The following PNLDC1 variants were observed in gnomAD, a reference collection of about 807,000 sequenced individuals.
PNLDC1 encodes poly(A)-specific ribonuclease PNLDC1.
Under a neutral mutation model 82.0 loss-of-function variants are expected in PNLDC1, and 70 were observed. The ratio of observed to expected loss-of-function variants is 0.85; its 90% CI spans 0.70 to 1.04. The LOEUF (loss-of-function observed/expected upper bound fraction) is 1.04. Among genes scored for constraint, PNLDC1 ranks in the 50% least tolerant of loss-of-function variants. The probability of loss-of-function intolerance (pLI) is 0.00; values close to 1 mark genes in which losing one functional copy is unlikely to be tolerated. For missense variants in PNLDC1, 631 were observed against 661.1 expected, an observed-to-expected ratio of 0.95 and a Z score of 0.50; for synonymous variants, 280 against 249.3, an observed-to-expected ratio of 1.12 and a Z score of -1.16.
chr6:159,819,375 C>G lies in PNLDC1; in HGVS notation c.1532+23C>G, dbSNP rs1459934075. ...CCAGTAAGTGACAGGCTGAGGCCACCTGCCTGTCCTGGGGTCCTGGAGTGC... is the reference window on the plus strand; with the variant it reads ...CCAGTAAGTGACAGGCTGAGGCCACGTGCCTGTCCTGGGGTCCTGGAGTGC... On this transcript the variant is annotated intron_variant, in intron 18 of 18. Transcript: ENST00000392167. This position sits in a 1 kb window ranked among gnomAD's most constrained non-coding sequence, Gnocchi z 4.6. The G allele has an allele frequency of 6.2e-7, 1 of 1,606,472 alleles. No individual in the cohort carries two copies. Among genetic ancestry groups the G allele is most frequent in the South Asian group, 1.1e-5 (1 of 90,828 alleles).
intron 7 of PNLDC1, among the ~76,000 whole-genome samples, chr6:159,806,308 G>A (rs959100685): frequency 2.0e-5 from 3 of 152,220 alleles, no homozygotes; most frequent in African/African-American, 7.2e-5. Flanking sequence ...TCAAGGCTGA[G>A]AAGGTCAAGT....
chr6:159,811,898 T>C (rs1562502623), intron 11 of PNLDC1, 112 bp downstream of exon 11: 1 of 766,838 alleles, frequency 1.3e-6, no homozygotes. Flanking sequence ...TGTTTTGTTT[T>C]GTTTTGTTTT....
intron 6 of PNLDC1, 189 bp from the exon 7 acceptor site, chr6:159,805,794 A>C (rs1057247671): frequency 1.0e-5 from 6 of 584,230 alleles, no homozygotes; most frequent in Middle Eastern, 6.1e-4. Flanking sequence ...GTTGTGGGCT[A>C]TTCTTCCAAT....
upstream of PNLDC1, chr6:159,800,273 G>T (rs899530146): frequency 2.0e-5 from 30 of 1,533,874 alleles, no homozygotes; most frequent in Non-Finnish European, 2.6e-5. Flanking sequence ...GGCAGCACGT[G>T]ATAGCGCTGG....
chr6:159,817,009 T>G lies in PNLDC1; in HGVS notation c.1115-100T>G, dbSNP rs902889090. ...GCAGTATGCCCCTGCCGTCCCTAGA[T>G]TCTACATTTATTTCAGATTGGCTTG... On this transcript the variant is annotated intron_variant, in intron 14 of 18. Coordinates refer to ENST00000392167, the MANE Select transcript of PNLDC1 (RefSeq NM_001271862.2). The G allele has an allele frequency of 3.2e-6, 4 of 1,263,394 alleles. No individual in the cohort carries two copies. The African/African-American group carries it at 5.9e-5, about 19-fold the overall frequency. 78.3% of individuals were successfully genotyped at this position (1,263,394 alleles called of 1,614,324 possible). A position where few individuals can be genotyped will look rare whatever the true frequency, so the allele number is the denominator to read the frequency against.
chr6:159,808,529 T>TA (rs751817467), intron 7 of PNLDC1, among the ~76,000 whole-genome samples: 4,194 of 127,342 alleles, frequency 0.033, 207 homozygotes, highest in African/African-American at 0.11. Context: ...GGCCCTGAGA[T>TA]AAAAAAAAAA....
At chr6:159,805,734 A>G (rs769363777) in intron 6 of PNLDC1, 14 of 463,790 alleles carry the variant, frequency 3.0e-5, no homozygotes, top group Non-Finnish European at 4.8e-5. Context: ...TCCTCCATAC[A>G]TCCTAGTGAA....
chr6:159,804,255 C>T (rs1406773940), intron 5 of PNLDC1, among the ~76,000 whole-genome samples, 167 bp downstream of exon 5: 1 of 152,210 alleles, frequency 6.6e-6, no homozygotes, highest in Non-Finnish European at 1.5e-5. Context: ...CACCCGCCAC[C>T]ATGCCCAGCT....
At chr6:159,808,695 C>G in intron 7 of PNLDC1, 45 bp from the exon 8 acceptor site, 11 of 1,551,026 alleles carry the variant, frequency 7.1e-6, no homozygotes, top group Non-Finnish European at 9.7e-6. Flanking sequence ...GGGAACATGC[C>G]ACACGGTTCC....
At chr6:159,806,126 G>A (rs755085860) in intron 7 of PNLDC1, 43 bp downstream of exon 7, 9 of 1,473,818 alleles carry the variant, frequency 6.1e-6, no homozygotes, top group South Asian at 3.4e-5. Flanking sequence ...CATTGGGACA[G>A]GTCACTGTCA....
At chr6:159,809,688 T>G (rs1190658959) in intron 9 of PNLDC1, among the ~76,000 whole-genome samples, 1 of 152,152 alleles carries the variant, frequency 6.6e-6, no homozygotes, top group Non-Finnish European at 1.5e-5. Context: ...TAAGAAACAG[T>G]ACGACTTCTC....
intron 16 of PNLDC1, 118 bp downstream of exon 16, chr6:159,818,772 T>C: frequency 1.6e-6 from 2 of 1,213,516 alleles, no homozygotes; most frequent in Non-Finnish European, 1.2e-6. Context: ...AGATGAGAGC[T>C]GGGTTTTTCT....
chr6:159,800,253 G>C, upstream of PNLDC1: 1 of 785,128 alleles, frequency 1.3e-6, no homozygotes, highest in Non-Finnish European at 1.6e-6. Flanking sequence ...AAGCGCGTGG[G>C]CAGCACGTGG....
chr6:159,800,235 C>A (rs1021068135), upstream of PNLDC1: 3 of 1,426,110 alleles, frequency 2.1e-6, no homozygotes, highest in East Asian at 2.5e-5. Context: ...GACCCGGCGG[C>A]GCGACGGAAG....
In PNLDC1 at chr6:159,805,992, T is replaced by C; in HGVS notation, c.471T>C (p.Asp157=). 1 of 1,614,072 alleles carries C rather than the reference T, an allele frequency of 6.2e-7. No individual in the cohort carries two copies. The highest frequency in any genetic ancestry group is 8.5e-7 in the Non-Finnish European group (1 of 1,179,904). Residue 157 remains aspartate, a synonymous_variant, in exon 7 of 19, where the codon GAT becomes GAC. Transcript: ENST00000392167. ...TGNWRVRSSP[D]KDQIKVVIDE... The stretch of plus-strand genomic sequence containing the variant: ...ATGCGCCCATTTTCAGCTCTCCGGA[T>C]AAAGACCAAATCAAGGTGGTGATTG...
At chr6:159,800,218 C>G, upstream of PNLDC1, 1 of 1,302,908 alleles carries the variant, frequency 7.7e-7, no homozygotes, top group Non-Finnish European at 1.1e-6. Context: ...ATGTGTGCGC[C>G]CTTTAAGACC....
chr6:159,800,437 A>G lies in PNLDC1; in HGVS notation c.76+54A>G, dbSNP rs1781198915. ...CGGACAGAGCCCCTTGCCCCGGGCG[A>G]GCTTGAGGAGGGGGTGGCGGGACGG... is the stretch of plus-strand genomic sequence containing the variant. On this transcript the variant is annotated intron_variant, in intron 1 of 18. Transcript: ENST00000392167. 8 of 1,520,724 alleles carry G rather than the reference A, an allele frequency of 5.3e-6. No homozygotes were observed. In the South Asian group the frequency reaches 9.7e-5, roughly 18 times the overall value. The allele number at this position is 1,520,724 out of a possible 1,614,324, so 94.2% of individuals were successfully genotyped here.
intron 13 of PNLDC1, 106 bp downstream of exon 13, chr6:159,816,139 CG>C: frequency 2.1e-6 from 1 of 485,740 alleles, no homozygotes; most frequent in Non-Finnish European, 3.2e-6. Context: ...CCCACCCACC[CG>C]CCACACCCCT....
At chr6:159,808,233 T>C (rs945704690) in intron 7 of PNLDC1, among the ~76,000 whole-genome samples, 3 of 152,230 alleles carry the variant, frequency 2.0e-5, no homozygotes, top group Admixed American at 6.5e-5. Context: ...GATTTTCTTA[T>C]GTTTCAATGA....
Sources: gnomAD v4.1 joint callset for allele counts (sites outside exome capture counted in the v4.1 genomes callset) on GRCh38, gnomAD v4.1.1 for gene constraint, Gnocchi (gnomAD v3.1) non-coding constraint, MANE v1.5 for transcripts, NCBI Gene and HGNC (gene_info 2026-07-23, HGNC 2026-07-21) for gene names.